Variants in LRBA observed in about 807,000 individuals in gnomAD.
LRBA encodes LPS responsive beige-like anchor protein.
In LRBA, 176 loss-of-function variants were observed where a neutral mutation model predicts 330.0. That is an observed-to-expected ratio of 0.53 (90% confidence interval 0.47 to 0.60). The LOEUF is 0.60. Ranked by LOEUF, LRBA falls within the 20% of genes least tolerant of loss-of-function variation. The pLI, the probability that LRBA is intolerant of heterozygous loss-of-function variation, is 0.00. For synonymous variants in LRBA, 1,230 were observed against 1,193.0 expected (o/e 1.03, Z -0.64); for missense variants, 3,259 against 3,444.8 (o/e 0.95, Z 1.35).
At position 150,916,374 on chromosome 4, in the gene LRBA, T is replaced by C. The variant is rs1267666998; in HGVS notation, c.894+27A>G. 5 of 1,604,718 alleles carry C rather than the reference T, an allele frequency of 3.1e-6. No homozygotes were observed. In the East Asian group the frequency reaches 8.9e-5, roughly 29 times the overall value. ...TGATGACTAGCATAGCTTGTTAACA[T>C]AACTATGACTCAAGAAGATCATGTA... On this transcript the variant is annotated intron_variant, in intron 7 of 56. Coordinates refer to ENST00000651943, the MANE Select transcript of LRBA (RefSeq NM_001364905.1).
At chr4:150,654,679 G>GCTATCC (rs1195702623) in intron 37 of LRBA, among the ~76,000 whole-genome samples, 1 of 152,100 alleles carries the variant, frequency 6.6e-6, no homozygotes, top group Non-Finnish European at 1.5e-5. Context: ...ATCTCCTAAT[G>GCTATCC]CTATCCCTAC....
intron 47 of LRBA, among the ~76,000 whole-genome samples, chr4:150,363,107 G>A (rs765374833): frequency 1.3e-5 from 2 of 152,048 alleles, no homozygotes; most frequent in Non-Finnish European, 2.9e-5. Flanking sequence ...TGCCGGCCTG[G>A]GTGACAGAGA....
chr4:150,324,986 C>T (rs1264821751), intron 49 of LRBA, among the ~76,000 whole-genome samples: 1 of 152,054 alleles, frequency 6.6e-6, no homozygotes, highest in Non-Finnish European at 1.5e-5. Flanking sequence ...TATTTTGTAG[C>T]TCAAGTCTAT....
chr4:150,767,267 T>G (rs1228177260), intron 34 of LRBA, among the ~76,000 whole-genome samples: 1 of 152,168 alleles, frequency 6.6e-6, no homozygotes, highest in Admixed American at 6.5e-5. Flanking sequence ...TAGAACGTAT[T>G]TTAGTGACGA....
In LRBA at chr4:150,590,563, T is replaced by G. The variant is rs4401437; in HGVS notation, c.6193+150A>C. 569,948 of 623,436 alleles carry G rather than the reference T, an allele frequency of 0.91. 263,081 individuals are homozygous for G. The highest frequency in any genetic ancestry group is 0.95 in the Non-Finnish European group (349,064 of 365,856). The allele number at this position is 623,436 out of a possible 1,614,324, so 38.6% of individuals were successfully genotyped here. On this transcript the variant is annotated intron_variant, in intron 39 of 56. Coordinates refer to ENST00000651943, the MANE Select transcript of LRBA (RefSeq NM_001364905.1). ...TAGAATAGAAAAATAAAGGAGAAAC[T>G]GTAGAAGGGGGGGAAGTATTTGAAA...
At chr4:150,792,514 T>G (rs1740100335) in intron 34 of LRBA, among the ~76,000 whole-genome samples, 1 of 152,152 alleles carries the variant, frequency 6.6e-6, no homozygotes, top group Non-Finnish European at 1.5e-5. Context: ...TTTTTATTTA[T>G]TTATTTATTT....
At chr4:150,380,340 T>G (rs1742025761) in intron 47 of LRBA, among the ~76,000 whole-genome samples, 1 of 152,176 alleles carries the variant, frequency 6.6e-6, no homozygotes, top group African/African-American at 2.4e-5. Flanking sequence ...TCTTAGCAGT[T>G]AAGAATTTTT....
chr4:150,435,986 C>A (rs571275835), intron 45 of LRBA, among the ~76,000 whole-genome samples: 3 of 152,192 alleles, frequency 2.0e-5, no homozygotes, highest in Admixed American at 2.0e-4. Flanking sequence ...ATCATACAGA[C>A]ATAAATTAGA....
chr4:150,309,546 C>T (rs1730787272), intron 52 of LRBA, among the ~76,000 whole-genome samples: 2 of 152,100 alleles, frequency 1.3e-5, no homozygotes, highest in South Asian at 4.1e-4. Flanking sequence ...TTTTAAGGGA[C>T]ACCATTAAAT....
intron 36 of LRBA, among the ~76,000 whole-genome samples, chr4:150,695,857 G>A (rs1179246898): frequency 2.0e-5 from 3 of 152,084 alleles, no homozygotes; most frequent in Non-Finnish European, 1.5e-5. Flanking sequence ...TAAAAAACTA[G>A]GGTCTTTTAG....
chr4:150,949,724 C>G (rs1019166684), intron 2 of LRBA, among the ~76,000 whole-genome samples: 5 of 150,546 alleles, frequency 3.3e-5, no homozygotes, highest in Admixed American at 6.7e-5. Flanking sequence ...AATGAATCTT[C>G]AATTGGTAGA....
chr4:150,583,896 G>C lies in LRBA; in HGVS notation c.6330+4152C>G. On this transcript the variant is annotated intron_variant, in intron 40 of 56. Coordinates refer to ENST00000651943, the MANE Select transcript of LRBA (RefSeq NM_001364905.1). This position sits in a 1 kb window ranked among gnomAD's most constrained non-coding sequence, Gnocchi z 9.8. The stretch of plus-strand genomic sequence containing the variant: ...AGTGCGAGAAACACCCACGAGAAAC[G>C]GACTGGGACGAGTCGTGCCTGGGCG... 6.2e-7 allele frequency: 1 copy of C among 1,613,282 alleles called. No homozygotes were observed. The highest frequency in any genetic ancestry group is 8.5e-7 in the Non-Finnish European group (1 of 1,179,592).
rs984143933 is a variant in LRBA at position 150,976,425 on chromosome 4, T to C, written c.216+38002A>G. On this transcript the variant is annotated intron_variant, in intron 2 of 56. Coordinates refer to ENST00000651943, the MANE Select transcript of LRBA (RefSeq NM_001364905.1). ...GGATAAATGATTTCCAAACAGTTGA[T>C]TACATACTCCTACTGGCAAAAAATT... Among the ~76,000 whole-genome samples the C allele has an allele frequency of 3.3e-5, 5 of 152,192 alleles. No individual in the cohort carries two copies. The South Asian group carries it at 1.0e-3, about 31-fold the overall frequency.
chr4:150,781,094 T>G (rs1738159587), intron 34 of LRBA, among the ~76,000 whole-genome samples: 1 of 152,046 alleles, frequency 6.6e-6, no homozygotes. Flanking sequence ...TTAGCCAGGA[T>G]GGTCTCGATC....
At chr4:150,647,886 T>C (rs1779313335) in intron 37 of LRBA, among the ~76,000 whole-genome samples, 1 of 151,858 alleles carries the variant, frequency 6.6e-6, no homozygotes, top group South Asian at 2.1e-4. Context: ...TTAATACGTC[T>C]TTCTCATCTA....
At chr4:150,288,012 G>A (rs1225019681) in intron 53 of LRBA, among the ~76,000 whole-genome samples, 1 of 147,130 alleles carries the variant, frequency 6.8e-6, no homozygotes, top group Non-Finnish European at 1.5e-5. Flanking sequence ...TTTTTTCTGA[G>A]ACGGAGTCTC....
Position 150,917,178 on chromosome 4 carries a change from AAAGAAGACTCTTTATCTGG to A in LRBA, c.646-459_646-441del, listed in dbSNP as rs982712175. The stretch of plus-strand genomic sequence containing the variant: ...AAAAAAAAAAATATATATATATCTG[AAAGAAGACTCTTTATCTGG>A]AAGAAGACTCTTTATCAGGAAGAAG... On this transcript the variant is annotated intron_variant, in intron 5 of 56. Transcript: ENST00000651943. Among the ~76,000 whole-genome samples, 16 of 152,042 alleles carry A rather than the reference AAAGAAGACTCTTTATCTGG, an allele frequency of 1.1e-4. No homozygotes were observed. In the East Asian group the frequency reaches 1.4e-3, roughly 13 times the overall value.
chr4:150,966,121 T>TCAAA (rs1362233789), intron 2 of LRBA, among the ~76,000 whole-genome samples: 2 of 152,198 alleles, frequency 1.3e-5, no homozygotes, highest in African/African-American at 4.8e-5. Context: ...TTGACTATGG[T>TCAAA]ATTATGTGAA....
At chr4:150,489,281 T>C (rs796777076) in intron 41 of LRBA, among the ~76,000 whole-genome samples, 1,878 of 38,436 alleles carry the variant, frequency 0.049, 134 homozygotes, top group East Asian at 0.11. Flanking sequence ...TAATATATTA[T>C]ATATAAGAAT....
Sources: allele counts gnomAD v4.1 joint callset (sites outside exome capture counted in the v4.1 genomes callset), GRCh38; gene constraint gnomAD v4.1.1; non-coding constraint Gnocchi (gnomAD v3.1); transcripts MANE v1.5; gene names NCBI Gene and HGNC (gene_info 2026-07-23, HGNC 2026-07-21).